The following ANAPC1 variants were observed in gnomAD, a reference collection of about 807,000 sequenced individuals.
ANAPC1 encodes the protein anaphase promoting complex subunit 1, also known as anaphase-promoting complex subunit 1.
In ANAPC1, 36 loss-of-function variants were observed where a neutral mutation model predicts 208.0. The ratio of observed to expected loss-of-function variants is 0.17; its 90% CI spans 0.13 to 0.23. The LOEUF (loss-of-function observed/expected upper bound fraction) is 0.23, where lower values mean the gene tolerates loss of function less well. Ranked by LOEUF, ANAPC1 falls within the 10% of genes least tolerant of loss-of-function variation. The pLI is 1.00. For synonymous variants in ANAPC1, 378 were observed against 695.2 expected (o/e 0.54, Z 7.18); for missense variants, 942 against 2,011.6 (o/e 0.47, Z 10.17).
chr2:111,796,859 G>GT (rs1308397331), intron 34 of ANAPC1, among the ~76,000 whole-genome samples: 8 of 130,166 alleles, frequency 6.1e-5, no homozygotes, highest in Admixed American at 3.9e-4. Flanking sequence ...CAGGAGAACT[G>GT]TGAAATTGTT....
chr2:111,862,380 A>G lies in ANAPC1; in HGVS notation c.1262+9T>C. The G allele has an allele frequency of 6.7e-7, 1 of 1,497,596 alleles. No homozygotes were observed. Among genetic ancestry groups the G allele is most frequent in the Non-Finnish European group, 8.9e-7 (1 of 1,126,120 alleles). 92.8% of individuals were successfully genotyped at this position (1,497,596 alleles called of 1,614,324 possible). On this transcript the variant is annotated intron_variant, in intron 10 of 47. Transcript: ENST00000341068. ...TTTTTCTTTGAATATAATAATATAT[A>G]TAACAAACCTTATATTAGTAATCGT... is the stretch of plus-strand genomic sequence containing the variant.
At chr2:111,881,336 T>C (rs926764124) in intron 1 of ANAPC1, among the ~76,000 whole-genome samples, 3 of 152,186 alleles carry the variant, frequency 2.0e-5, no homozygotes, top group Non-Finnish European at 4.4e-5. Context: ...GAGGTTGAAC[T>C]GCTTTCAGCT....
intron 39 of ANAPC1, among the ~76,000 whole-genome samples, chr2:111,785,984 C>G (rs1677525177): frequency 6.6e-6 from 1 of 152,218 alleles, no homozygotes; most frequent in Non-Finnish European, 1.5e-5. Context: ...GTACATCAAA[C>G]ATCCATGTGG....
chr2:111,780,936 C>T lies in ANAPC1; in HGVS notation c.5203-551G>A, dbSNP rs900050814. Among the ~76,000 whole-genome samples, 17 of 139,626 alleles carry T rather than the reference C, an allele frequency of 1.2e-4. No individual in the cohort carries two copies. In the South Asian group the frequency reaches 1.3e-3, roughly 11 times the overall value. The allele number at this position is 139,626 out of a possible 152,430, so 91.6% of individuals were successfully genotyped here. A position where few individuals can be genotyped will look rare whatever the true frequency, so the allele number is the denominator to read the frequency against. ...GAGATGGATGGTGGTGATGGTTGTGCGTTATTGTTGCAGGTATAGATCTCA... is the reference window on the plus strand; with the variant it reads ...GAGATGGATGGTGGTGATGGTTGTGTGTTATTGTTGCAGGTATAGATCTCA... On this transcript the variant is annotated intron_variant, in intron 43 of 47. Transcript: ENST00000341068.
At chr2:111,794,751 A>G (rs999318137) in intron 35 of ANAPC1, 67 bp downstream of exon 35, 7 of 959,432 alleles carry the variant, frequency 7.3e-6, no homozygotes, top group African/African-American at 6.5e-5. Flanking sequence ...TTACTCCCAC[A>G]TGGTATATTT....
chr2:111,883,717 AG>A (rs1475220795), intron 1 of ANAPC1, among the ~76,000 whole-genome samples: 20 of 152,174 alleles, frequency 1.3e-4, no homozygotes, highest in Non-Finnish European at 2.6e-4. Context: ...CGCACAGCTC[AG>A]GAAAGAGGTT....
chr2:111,807,608 C>T (rs1489746108), intron 29 of ANAPC1, among the ~76,000 whole-genome samples: 17 of 151,530 alleles, frequency 1.1e-4, no homozygotes, highest in African/African-American at 3.4e-4. Context: ...AGGAGAATGG[C>T]GTGAACCCGG....
At chr2:111,841,474 T>C (rs1024507944) in intron 17 of ANAPC1, among the ~76,000 whole-genome samples, 3 of 141,488 alleles carry the variant, frequency 2.1e-5, no homozygotes, top group African/African-American at 7.7e-5. Context: ...CCTAAGCACG[T>C]CTTGTCGGAG....
At chr2:111,775,083 T>C (rs1676934317) in intron 46 of ANAPC1, among the ~76,000 whole-genome samples, 1 of 152,088 alleles carries the variant, frequency 6.6e-6, no homozygotes, top group Non-Finnish European at 1.5e-5. Context: ...CTGAACAACA[T>C]GGTGAAACCC....
intron 21 of ANAPC1, among the ~76,000 whole-genome samples, chr2:111,830,613 A>C (rs1390735902): frequency 1.3e-5 from 2 of 152,204 alleles, no homozygotes; most frequent in African/African-American, 4.8e-5. Context: ...TGCAAACCAC[A>C]TATCTGACAA....
chr2:111,825,871 A>G lies in ANAPC1; in HGVS notation c.2626-16T>C. ...GTGCAATACTCTGCAAAGGAAGAAA[A>G]TTAACATTATTTTTCTCTTTTCAGA... is the stretch of plus-strand genomic sequence containing the variant. On this transcript the variant is annotated splice_polypyrimidine_tract_variant and intron_variant, in intron 21 of 47. Transcript: ENST00000341068. 1 of 1,600,894 alleles carries G rather than the reference A, an allele frequency of 6.2e-7. No homozygotes were observed. Among genetic ancestry groups the G allele is most frequent in the Non-Finnish European group, 8.5e-7 (1 of 1,171,808 alleles).
intron 16 of ANAPC1, among the ~76,000 whole-genome samples, chr2:111,843,813 A>C (rs1680901086): frequency 7.3e-6 from 1 of 136,220 alleles, no homozygotes; most frequent in South Asian, 2.4e-4. Flanking sequence ...AAGGGGTCTG[A>C]AGACAGCTTT....
chr2:111,772,776 C>G (rs181462487), intron 46 of ANAPC1, among the ~76,000 whole-genome samples: 52 of 152,218 alleles, frequency 3.4e-4, no homozygotes, highest in Non-Finnish European at 6.3e-4. Flanking sequence ...CCGAAATACC[C>G]CTTGTCACAC....
intron 3 of ANAPC1, among the ~76,000 whole-genome samples, chr2:111,877,270 T>A (rs1244120781): frequency 2.7e-5 from 4 of 149,148 alleles, no homozygotes; most frequent in Non-Finnish European, 4.5e-5. Flanking sequence ...CAGGACTCAA[T>A]CAAAGTTCAT....
intron 37 of ANAPC1, among the ~76,000 whole-genome samples, chr2:111,792,818 T>A (rs537093996): frequency 6.6e-6 from 1 of 152,050 alleles, no homozygotes; most frequent in Admixed American, 6.5e-5. Context: ...CCGGGCGTGG[T>A]GGCGGGCGCC....
At chr2:111,831,787 G>A (rs1680147111) in intron 20 of ANAPC1, among the ~76,000 whole-genome samples, 1 of 133,334 alleles carries the variant, frequency 7.5e-6, no homozygotes, top group Non-Finnish European at 1.5e-5. Flanking sequence ...GTTGCAGTGA[G>A]CCGAGATCAC....
chr2:111,843,705 A>T (rs1680894204), intron 16 of ANAPC1, 106 bp from the exon 17 acceptor site: 1 of 895,156 alleles, frequency 1.1e-6, no homozygotes, highest in Non-Finnish European at 1.7e-6. Context: ...GCCAATTATT[A>T]TGAAAAGAAA....
Position 111,782,243 on chromosome 2 carries a change from A to C in ANAPC1, c.5202+126T>G, listed in dbSNP as rs893168846. 178 of 795,666 alleles carry C rather than the reference A, an allele frequency of 2.2e-4. 1 individual carries two copies. The Middle Eastern group carries it at 3.5e-3, about 15-fold the overall frequency. The allele number at this position is 795,666 out of a possible 1,614,324, so 49.3% of individuals were successfully genotyped here. A position where few individuals can be genotyped will look rare whatever the true frequency, so the allele number is the denominator to read the frequency against. On this transcript the variant is annotated intron_variant, in intron 43 of 47. Coordinates refer to ENST00000341068, the MANE Select transcript of ANAPC1 (RefSeq NM_022662.4). ...TCACATAAAAAGCAAACAGAGCCAC[A>C]GTCAGTCTTTACAATCTGCAACAAT...
At chr2:111,766,655 G>A, downstream of ANAPC1, 1 of 298,208 alleles carries the variant, frequency 3.4e-6, no homozygotes, top group Non-Finnish European at 7.0e-6. Flanking sequence ...CCACATGCGG[G>A]AGGCAACGAA....
Sources: gnomAD v4.1 joint callset for allele counts (sites outside exome capture counted in the v4.1 genomes callset) on GRCh38, gnomAD v4.1.1 for gene constraint, MANE v1.5 for transcripts, NCBI Gene and HGNC (gene_info 2026-07-23, HGNC 2026-07-21) for gene names.